The following CHCHD6 variants were observed in gnomAD, a reference collection of about 807,000 sequenced individuals.
CHCHD6 encodes MICOS complex subunit MIC25.
A neutral mutation model predicts 32.3 loss-of-function variants in CHCHD6; 28 were observed. The observed-to-expected ratio is 0.87, with a 90% CI of 0.64 to 1.19. The LOEUF is 1.19. Ranked by LOEUF, CHCHD6 falls within the 50% of genes most tolerant of loss-of-function variation. The pLI is 0.00. For missense variants in CHCHD6, 333 were observed against 307.0 expected, an observed-to-expected ratio of 1.08 and a Z score of -0.63; for synonymous variants, 122 against 117.5, an observed-to-expected ratio of 1.04 and a Z score of -0.25.
intron 5 of CHCHD6, among the ~76,000 whole-genome samples, chr3:126,861,164 T>C (rs908910605): frequency 6.6e-6 from 1 of 152,112 alleles, no homozygotes; most frequent in Non-Finnish European, 1.5e-5. Flanking sequence ...GTTGTTGTCA[T>C]TGTTCCTGGA....
chr3:126,731,573 A>G (rs1056127810), intron 3 of CHCHD6, among the ~76,000 whole-genome samples: 1 of 152,182 alleles, frequency 6.6e-6, no homozygotes, highest in African/African-American at 2.4e-5. Context: ...GGATGCTCAC[A>G]GTAGTTGTTA....
chr3:126,764,027 C>G (rs1303425592), intron 4 of CHCHD6, among the ~76,000 whole-genome samples: 1 of 151,802 alleles, frequency 6.6e-6, no homozygotes, highest in African/African-American at 2.4e-5. Flanking sequence ...CTATATAGCT[C>G]TGCTCCCCTA....
intron 1 of CHCHD6, among the ~76,000 whole-genome samples, chr3:126,712,201 G>C (rs59423150): frequency 0.017 from 2,589 of 152,288 alleles, 73 homozygotes; most frequent in African/African-American, 0.058. Context: ...GACAGCAGGG[G>C]ACTGTCTACA....
intron 4 of CHCHD6, among the ~76,000 whole-genome samples, chr3:126,847,992 A>G (rs1247158487): frequency 6.6e-6 from 1 of 151,922 alleles, no homozygotes; most frequent in Non-Finnish European, 1.5e-5. Context: ...TGGGTTTGTT[A>G]TTTTTGAGAC....
chr3:126,888,796 G>T (rs1189520695), intron 5 of CHCHD6, among the ~76,000 whole-genome samples: 1 of 152,156 alleles, frequency 6.6e-6, no homozygotes, highest in Non-Finnish European at 1.5e-5. Flanking sequence ...CCACATTTTT[G>T]CATGGGGCTG....
At chr3:126,799,766 G>C (rs1301796278) in intron 4 of CHCHD6, among the ~76,000 whole-genome samples, 2 of 152,182 alleles carry the variant, frequency 1.3e-5, no homozygotes, top group Non-Finnish European at 2.9e-5. Context: ...ACAGCAAAAA[G>C]AAGAAAGAAA....
chr3:126,768,613 A>T (rs1937473225), intron 4 of CHCHD6, among the ~76,000 whole-genome samples: 1 of 152,198 alleles, frequency 6.6e-6, no homozygotes, highest in Non-Finnish European at 1.5e-5. Context: ...GTTGAATGAT[A>T]GTTCAATTTT....
At chr3:126,743,717 G>A (rs1241857977) in intron 4 of CHCHD6, among the ~76,000 whole-genome samples, 1 of 152,186 alleles carries the variant, frequency 6.6e-6, no homozygotes, top group Non-Finnish European at 1.5e-5. Context: ...CTTGAAAATT[G>A]CACCAACTGG....
chr3:126,815,801 C>T (rs1218789866), intron 4 of CHCHD6, among the ~76,000 whole-genome samples: 1 of 152,200 alleles, frequency 6.6e-6, no homozygotes, highest in Non-Finnish European at 1.5e-5. Flanking sequence ...GTCCCCAAGT[C>T]TGACCTAGCA....
At position 126,831,772 on chromosome 3, in the gene CHCHD6, C is replaced by CA. The variant is rs1412720338; in HGVS notation, c.412-20873dup. Among the ~76,000 whole-genome samples the CA allele has an allele frequency of 5.3e-5, 8 of 152,306 alleles. No individual in the cohort carries two copies. In the East Asian group the frequency reaches 1.5e-3, roughly 29 times the overall value. On this transcript the variant is annotated intron_variant, in intron 4 of 7. Coordinates refer to ENST00000290913, the MANE Select transcript of CHCHD6 (RefSeq NM_032343.3). ...TGCCAATACTGAAGAAGGGAAAACTCAAGCCATCCTTTACCCCCAACTCCT... is the reference window on the plus strand; with the variant it reads ...TGCCAATACTGAAGAAGGGAAAACTCAAAGCCATCCTTTACCCCCAACTCCT...
chr3:126,775,831 C>T (rs749336443), intron 4 of CHCHD6, among the ~76,000 whole-genome samples: 8 of 152,312 alleles, frequency 5.3e-5, no homozygotes, highest in East Asian at 1.9e-4. Context: ...AGAACTGTTC[C>T]GGTAAAGGAA....
intron 1 of CHCHD6, among the ~76,000 whole-genome samples, chr3:126,705,435 A>G (rs1426171118): frequency 6.6e-6 from 1 of 152,174 alleles, no homozygotes; most frequent in Non-Finnish European, 1.5e-5. Context: ...AACTGATTTA[A>G]TTTTCAACAG....
chr3:126,783,473 TAGAA>T (rs1317129800), intron 4 of CHCHD6, among the ~76,000 whole-genome samples: 3 of 152,124 alleles, frequency 2.0e-5, no homozygotes, highest in Non-Finnish European at 4.4e-5. Context: ...GAAAATGAAA[TAGAA>T]AGCATCCAAA....
intron 5 of CHCHD6, among the ~76,000 whole-genome samples, chr3:126,868,739 A>T (rs998463145): frequency 1.3e-5 from 2 of 152,220 alleles, no homozygotes; most frequent in African/African-American, 4.8e-5. Flanking sequence ...ATCTATGTGC[A>T]TGTGCCATAA....
chr3:126,735,220 C>T (rs746381794), intron 4 of CHCHD6, among the ~76,000 whole-genome samples: 1 of 152,122 alleles, frequency 6.6e-6, no homozygotes, highest in Non-Finnish European at 1.5e-5. Flanking sequence ...TTCGTTCTCA[C>T]CTGGAATGTA....
At chr3:126,913,832 G>T (rs560306959) in intron 5 of CHCHD6, among the ~76,000 whole-genome samples, 12 of 152,330 alleles carry the variant, frequency 7.9e-5, no homozygotes, top group African/African-American at 2.9e-4. Context: ...GGAGGATGTG[G>T]ACCTGGGCCT....
intron 1 of CHCHD6, among the ~76,000 whole-genome samples, chr3:126,715,022 G>T (rs898947100): frequency 2.0e-5 from 3 of 152,134 alleles, no homozygotes; most frequent in African/African-American, 7.2e-5. Context: ...TTTTCATATT[G>T]ACATTCGACT....
intron 4 of CHCHD6, among the ~76,000 whole-genome samples, chr3:126,848,962 G>C (rs971597921): frequency 5.9e-5 from 9 of 152,176 alleles, no homozygotes; most frequent in African/African-American, 2.2e-4. Flanking sequence ...ACCTACACCT[G>C]CACCTCAGTG....
chr3:126,797,745 A>T (rs887897488), intron 4 of CHCHD6, among the ~76,000 whole-genome samples: 2 of 151,958 alleles, frequency 1.3e-5, no homozygotes, highest in Admixed American at 1.3e-4. Context: ...TGTGGAGGAG[A>T]GGTTGATGCG....
Sources: allele counts gnomAD v4.1 joint callset (sites outside exome capture counted in the v4.1 genomes callset), GRCh38; gene constraint gnomAD v4.1.1; transcripts MANE v1.5; gene names NCBI Gene and HGNC (gene_info 2026-07-23, HGNC 2026-07-21).